Variants in FSTL5 observed in about 807,000 individuals in gnomAD.
FSTL5 encodes the protein follistatin like 5, also known as follistatin-related protein 5.
In FSTL5, 62 loss-of-function variants were observed where a neutral mutation model predicts 89.1. The ratio of observed to expected loss-of-function variants is 0.70; its 90% CI spans 0.57 to 0.86. The LOEUF (loss-of-function observed/expected upper bound fraction) is 0.86. Among genes scored for constraint, FSTL5 ranks in the 40% least tolerant of loss-of-function variants. FSTL5 has a pLI of 0.00. For missense variants in FSTL5, 1,057 were observed against 1,001.6 expected (o/e 1.06, Z -0.75); for synonymous variants, 383 against 346.2 (o/e 1.11, Z -1.18).
chr4:161,658,889 C>T (rs548589476), intron 6 of FSTL5, among the ~76,000 whole-genome samples: 2 of 152,278 alleles, frequency 1.3e-5, no homozygotes, highest in South Asian at 2.1e-4. Flanking sequence ...TAAACATTGG[C>T]TATTCTGCCA....
intron 4 of FSTL5, among the ~76,000 whole-genome samples, chr4:161,820,559 G>C (rs1560864139): frequency 6.6e-6 from 1 of 152,006 alleles, no homozygotes; most frequent in Non-Finnish European, 1.5e-5. Context: ...CTTATAGTAG[G>C]GTACGGTCAA....
intron 15 of FSTL5, among the ~76,000 whole-genome samples, chr4:161,399,676 G>A (rs1486115054): frequency 6.6e-6 from 1 of 151,984 alleles, no homozygotes; most frequent in Non-Finnish European, 1.5e-5. Flanking sequence ...CATTGAACAT[G>A]GTCAAGAATA....
At chr4:161,788,561 C>A (rs1175751154) in intron 4 of FSTL5, among the ~76,000 whole-genome samples, 1 of 152,048 alleles carries the variant, frequency 6.6e-6, no homozygotes, top group Non-Finnish European at 1.5e-5. Flanking sequence ...TTCACAGGTG[C>A]GTTGAAGAAT....
At chr4:161,801,363 T>C (rs1040401782) in intron 4 of FSTL5, among the ~76,000 whole-genome samples, 1 of 151,536 alleles carries the variant, frequency 6.6e-6, no homozygotes, top group Non-Finnish European at 1.5e-5. Flanking sequence ...GCATATTTAT[T>C]TTGTAGAAGA....
intron 3 of FSTL5, among the ~76,000 whole-genome samples, chr4:161,969,543 T>G (rs758522630): frequency 6.6e-6 from 1 of 152,172 alleles, no homozygotes; most frequent in African/African-American, 2.4e-5. Flanking sequence ...CATTTCCACC[T>G]GTCTGGGAAG....
rs77207621 is a variant in FSTL5 at position 161,952,826 on chromosome 4, A to T, written c.161-32174T>A. On this transcript the variant is annotated intron_variant, in intron 3 of 15. Coordinates refer to ENST00000306100, the MANE Select transcript of FSTL5 (RefSeq NM_020116.5). ...ATTAATTGCTTCTGAAATTATCATT[A>T]TGTAACTCAACTTTAGTCATTATAG... is the stretch of plus-strand genomic sequence containing the variant. 7.0e-3 allele frequency among the ~76,000 whole-genome samples: 1,064 copies of T among 151,984 alleles called. 12 individuals are homozygous for T. The highest frequency in any genetic ancestry group is 0.024 in the African/African-American group (1,010 of 41,544).
intron 15 of FSTL5, among the ~76,000 whole-genome samples, chr4:161,448,439 A>G (rs1733030358): frequency 6.6e-6 from 1 of 152,254 alleles, no homozygotes; most frequent in East Asian, 1.9e-4. Flanking sequence ...GTCTTGATAT[A>G]TGGTTAGCCA....
chr4:161,935,485 A>G (rs1482531678), intron 3 of FSTL5, among the ~76,000 whole-genome samples: 1 of 152,084 alleles, frequency 6.6e-6, no homozygotes, highest in African/African-American at 2.4e-5. Context: ...GTTAGTGTTA[A>G]TTGAATGCAC....
At position 162,159,120 on chromosome 4, in the gene FSTL5, T is replaced by G. The variant is rs191653640; in HGVS notation, c.-17+4495A>C. Among the ~76,000 whole-genome samples, 11 of 152,188 alleles carry G rather than the reference T, an allele frequency of 7.2e-5. No individual in the cohort carries two copies. In the South Asian group the frequency reaches 2.1e-3, roughly 29 times the overall value. ...GTAAGGACATTTACTTTTAGGGTTTTGGAATTTTAAAAATAATAATAACTC... is the reference window on the plus strand; with the variant it reads ...GTAAGGACATTTACTTTTAGGGTTTGGGAATTTTAAAAATAATAATAACTC... On this transcript the variant is annotated intron_variant, in intron 1 of 15. Coordinates refer to ENST00000306100, the MANE Select transcript of FSTL5 (RefSeq NM_020116.5).
rs150802306 is a variant in FSTL5 at position 161,704,636 on chromosome 4, G to T, written c.728-48142C>A. ...TTCGTAATCCTTTATCACTGGCAAA[G>T]TAGCACACATGAAAAATAGCACCTA... On this transcript the variant is annotated intron_variant, in intron 6 of 15. Transcript: ENST00000306100. Among the ~76,000 whole-genome samples, 154 of 152,006 alleles carry T rather than the reference G, an allele frequency of 1.0e-3. 1 individual carries two copies. In the East Asian group the frequency reaches 0.02, roughly 20 times the overall value.
intron 4 of FSTL5, among the ~76,000 whole-genome samples, chr4:161,792,871 G>C (rs1388507164): frequency 6.6e-6 from 1 of 152,204 alleles, no homozygotes; most frequent in African/African-American, 2.4e-5. Context: ...TAAAAGAGCT[G>C]TAACACAAAC....
At chr4:161,843,522 T>C (rs1191987754) in intron 4 of FSTL5, among the ~76,000 whole-genome samples, 2 of 152,106 alleles carry the variant, frequency 1.3e-5, no homozygotes, top group Non-Finnish European at 2.9e-5. Context: ...TTTGTAGCAA[T>C]TGTGAATGGG....
intron 13 of FSTL5, among the ~76,000 whole-genome samples, chr4:161,461,217 G>C (rs1022111162): frequency 6.6e-6 from 1 of 150,890 alleles, no homozygotes; most frequent in African/African-American, 2.4e-5. Context: ...AGCACTTCAG[G>C]AGGCTGAGGC....
intron 7 of FSTL5, among the ~76,000 whole-genome samples, chr4:161,624,136 G>A (rs1362522790): frequency 6.6e-6 from 1 of 151,950 alleles, no homozygotes; most frequent in Non-Finnish European, 1.5e-5. Flanking sequence ...AATTAGTAAA[G>A]AATAACAACA....
At chr4:161,433,148 C>T (rs1403864384) in intron 15 of FSTL5, among the ~76,000 whole-genome samples, 2 of 151,158 alleles carry the variant, frequency 1.3e-5, no homozygotes, top group Non-Finnish European at 1.5e-5. Context: ...GGTGAATATC[C>T]CTGATGAACA....
chr4:161,635,685 A>G (rs1735662747), intron 7 of FSTL5, among the ~76,000 whole-genome samples: 1 of 152,208 alleles, frequency 6.6e-6, no homozygotes, highest in Admixed American at 6.5e-5. Context: ...AGGGATGGCT[A>G]TCTTTCTTAT....
intron 4 of FSTL5, among the ~76,000 whole-genome samples, chr4:161,815,867 T>A (rs1228719221): frequency 6.6e-6 from 1 of 152,202 alleles, no homozygotes; most frequent in Non-Finnish European, 1.5e-5. Context: ...TGAAGGATAG[T>A]TTGTTAAATG....
intron 3 of FSTL5, among the ~76,000 whole-genome samples, chr4:161,929,683 G>GTGTA (rs778126751): frequency 3.1e-5 from 3 of 98,168 alleles, no homozygotes; most frequent in Non-Finnish European, 7.0e-5. Context: ...GTGTGTGTGT[G>GTGTA]TGTGTGTGTG....
intron 1 of FSTL5, among the ~76,000 whole-genome samples, chr4:162,128,664 C>T (rs938269117): frequency 6.6e-6 from 1 of 152,102 alleles, no homozygotes; most frequent in Non-Finnish European, 1.5e-5. Context: ...AATAACTCCA[C>T]CTGATTATTC....
Sources: allele counts gnomAD v4.1 joint callset (sites outside exome capture counted in the v4.1 genomes callset), GRCh38; gene constraint gnomAD v4.1.1; transcripts MANE v1.5; gene names NCBI Gene and HGNC (gene_info 2026-07-23, HGNC 2026-07-21).